The following ALK variants were observed in gnomAD, a reference collection of about 807,000 sequenced individuals.
ALK encodes the protein ALK receptor tyrosine kinase, also known as ALK tyrosine kinase receptor.
Under a neutral mutation model 163.1 loss-of-function variants are expected in ALK, and 74 were observed. The observed-to-expected ratio is 0.45, with a 90% CI of 0.38 to 0.55. ALK has a LOEUF of 0.55. Among genes scored for constraint, ALK ranks in the 20% least tolerant of loss-of-function variants. The pLI is 0.00. For synonymous variants in ALK, 960 were observed against 843.2 expected, an observed-to-expected ratio of 1.14 and a Z score of -2.40; for missense variants, 2,063 against 2,105.3, an observed-to-expected ratio of 0.98 and a Z score of 0.39.
At chr2:29,524,376 G>A (rs145313511) in intron 4 of ALK, among the ~76,000 whole-genome samples, 353 of 152,288 alleles carry the variant, frequency 2.3e-3, no homozygotes, top group African/African-American at 7.4e-3. Flanking sequence ...TAGTTTCCTC[G>A]GAGCCAGGCG....
intron 4 of ALK, among the ~76,000 whole-genome samples, chr2:29,463,530 G>C (rs1396452879): frequency 1.3e-5 from 2 of 152,182 alleles, no homozygotes; most frequent in Non-Finnish European, 1.5e-5. Flanking sequence ...TTCAGCCACT[G>C]AACAACAGAC....
At chr2:29,406,677 C>A (rs13422054) in intron 4 of ALK, among the ~76,000 whole-genome samples, 1,547 of 151,962 alleles carry the variant, frequency 0.01, 29 homozygotes, top group African/African-American at 0.036. Context: ...CGAGGTGGGC[C>A]AATCATGAGA....
At chr2:29,571,261 T>C (rs1674359836) in intron 3 of ALK, among the ~76,000 whole-genome samples, 1 of 152,162 alleles carries the variant, frequency 6.6e-6, no homozygotes, top group Non-Finnish European at 1.5e-5. Flanking sequence ...AGGTAGTTTA[T>C]AGACTAGTGA....
chr2:29,415,925 C>T (rs1669864955), intron 4 of ALK, among the ~76,000 whole-genome samples: 1 of 152,204 alleles, frequency 6.6e-6, no homozygotes, highest in Admixed American at 6.5e-5. Flanking sequence ...CCAGCAGCAA[C>T]TCCCACCCCT....
chr2:29,208,721 A>G (rs905689919), intron 25 of ALK, among the ~76,000 whole-genome samples: 1 of 152,074 alleles, frequency 6.6e-6, no homozygotes, highest in African/African-American at 2.4e-5. Flanking sequence ...CCAAAGAGTT[A>G]AAGCTCCATA....
intron 3 of ALK, among the ~76,000 whole-genome samples, chr2:29,575,657 AT>A (rs1487293680): frequency 6.6e-6 from 1 of 152,228 alleles, no homozygotes. Flanking sequence ...CAGGGCAACC[AT>A]TTGTTAAGTG....
intron 4 of ALK, among the ~76,000 whole-genome samples, chr2:29,492,446 G>T (rs544687418): frequency 6.6e-6 from 1 of 152,302 alleles, no homozygotes; most frequent in East Asian, 1.9e-4. Context: ...CTTAAAAAGA[G>T]TGAGAGAAAG....
chr2:29,532,120 G>A lies in ALK; in HGVS notation c.953-4C>T, dbSNP rs1305945636. 2.5e-6 allele frequency: 4 copies of A among 1,613,900 alleles called. No individual in the cohort carries two copies. The Admixed American group carries it at 6.7e-5, about 27-fold the overall frequency. On this transcript the variant is annotated splice_polypyrimidine_tract_variant and splice_region_variant and intron_variant, in intron 3 of 28. Transcript: ENST00000389048. ...GTGTTGAGAAGGAGAAAGGAGCCTG[G>A]AAAGAGACAGGGAAAACGAATCTGC...
Position 29,504,739 on chromosome 2 carries a change from T to C in ALK, c.1154+27176A>G, listed in dbSNP as rs1672270640. Among the ~76,000 whole-genome samples the C allele has an allele frequency of 2.0e-5, 3 of 152,096 alleles. No homozygotes were observed. In the South Asian group the frequency reaches 6.2e-4, roughly 32 times the overall value. ...GGCTCATCAGCAAGGCTGGACTTGA[T>C]CCCATAGCAGATAGGGAGCCAGTGA... On this transcript the variant is annotated intron_variant, in intron 4 of 28. Transcript: ENST00000389048.
At chr2:29,356,686 C>G (rs986764272) in intron 5 of ALK, among the ~76,000 whole-genome samples, 3 of 152,116 alleles carry the variant, frequency 2.0e-5, no homozygotes, top group Admixed American at 2.0e-4. Context: ...GGAGACTGAG[C>G]AGACCCACTG....
chr2:29,520,933 T>C (rs1196216428), intron 4 of ALK, among the ~76,000 whole-genome samples: 2 of 152,190 alleles, frequency 1.3e-5, no homozygotes, highest in Non-Finnish European at 2.9e-5. Context: ...ATCCGGGTCT[T>C]CATTTATTCC....
chr2:29,599,893 G>A (rs2148213581), intron 3 of ALK, among the ~76,000 whole-genome samples: 1 of 152,300 alleles, frequency 6.6e-6, no homozygotes, highest in Admixed American at 6.5e-5. Flanking sequence ...TGAGGCTGGG[G>A]GCTGGGTCAC....
intron 4 of ALK, among the ~76,000 whole-genome samples, chr2:29,401,505 AG>A (rs1669446339): frequency 6.6e-6 from 1 of 152,196 alleles, no homozygotes; most frequent in Non-Finnish European, 1.5e-5. Context: ...TTTCAAAACA[AG>A]CCTCAGTGAG....
chr2:29,511,539 C>A (rs1672516210), intron 4 of ALK, among the ~76,000 whole-genome samples: 1 of 152,070 alleles, frequency 6.6e-6, no homozygotes, highest in South Asian at 2.1e-4. Flanking sequence ...TATCTATTCA[C>A]CTGTTGATAC....
At chr2:29,388,861 A>G (rs1180110285) in intron 4 of ALK, among the ~76,000 whole-genome samples, 1 of 152,244 alleles carries the variant, frequency 6.6e-6, no homozygotes, top group Non-Finnish European at 1.5e-5. Context: ...GGTTAAATGC[A>G]TCTTTATACG....
At chr2:29,410,539 A>G (rs59031247) in intron 4 of ALK, among the ~76,000 whole-genome samples, 1,913 of 152,298 alleles carry the variant, frequency 0.013, 33 homozygotes, top group African/African-American at 0.044. Context: ...CACGTCCTCA[A>G]CCTTGGCAAA....
intron 3 of ALK, among the ~76,000 whole-genome samples, chr2:29,561,525 C>T (rs529336976): frequency 1.3e-5 from 2 of 152,278 alleles, no homozygotes; most frequent in South Asian, 2.1e-4. Flanking sequence ...GCACATCCAT[C>T]GCGTCTGAAA....
intron 3 of ALK, among the ~76,000 whole-genome samples, chr2:29,563,228 G>T (rs1264995769): frequency 6.6e-6 from 1 of 152,214 alleles, no homozygotes; most frequent in East Asian, 1.9e-4. Context: ...TGGGTAGGGT[G>T]TCTTTACATA....
At chr2:29,728,210 T>C (rs1264261345) in intron 1 of ALK, among the ~76,000 whole-genome samples, 1 of 152,246 alleles carries the variant, frequency 6.6e-6, no homozygotes, top group Non-Finnish European at 1.5e-5. Context: ...TTTATAGTCA[T>C]TGCCCCACAA....
Sources: allele counts gnomAD v4.1 joint callset (sites outside exome capture counted in the v4.1 genomes callset), GRCh38; gene constraint gnomAD v4.1.1; transcripts MANE v1.5; gene names NCBI Gene and HGNC (gene_info 2026-07-23, HGNC 2026-07-21).